The following OSBPL3 variants were observed in gnomAD, a reference collection of about 807,000 sequenced individuals.
OSBPL3 encodes the protein oxysterol-binding protein-related protein 3.
Under a neutral mutation model 120.1 loss-of-function variants are expected in OSBPL3, and 65 were observed. The observed-to-expected ratio is 0.54, with a 90% confidence interval of 0.44 to 0.67. The LOEUF is 0.67. OSBPL3 is among the 30% of genes least tolerant of loss of function. The pLI is 0.00. For synonymous variants in OSBPL3, 416 were observed against 402.6 expected (o/e 1.03, Z -0.40); for missense variants, 1,004 against 1,082.1 (o/e 0.93, Z 1.01).
At chr7:24,945,213 C>T (rs981320400) in intron 1 of OSBPL3, among the ~76,000 whole-genome samples, 4 of 152,234 alleles carry the variant, frequency 2.6e-5, no homozygotes, top group Admixed American at 2.0e-4. Context: ...TTCAATCAAC[C>T]CTTCTTTTTT....
rs187918256 is a variant in OSBPL3 at position 24,948,942 on chromosome 7, T to C, written c.-150+30944A>G. ...TTAAACAATTTCCAGGAGGAGGTTT[T>C]AGATCTGGCTTTTATGATGTTAATG... On this transcript the variant is annotated intron_variant, in intron 1 of 22. Transcript: ENST00000313367. 8.7e-3 allele frequency among the ~76,000 whole-genome samples: 1,328 copies of C among 152,338 alleles called. 27 individuals are homozygous for C. The highest frequency in any genetic ancestry group is 0.03 in the African/African-American group (1,237 of 41,580).
At position 24,899,010 on chromosome 7, in the gene OSBPL3, A is replaced by T. The variant is rs1183267629; in HGVS notation, c.-149-6389T>A. On this transcript the variant is annotated intron_variant, in intron 1 of 22. Transcript: ENST00000313367. This position sits in a 1 kb window ranked among gnomAD's most constrained non-coding sequence, Gnocchi z 4.0. ...TTGGTAACTACATAGAACAAGACAG[A>T]ACTTTTTTTTAACCATAACCTGCAC... Among the ~76,000 whole-genome samples, 1 of 152,184 alleles carries T rather than the reference A, an allele frequency of 6.6e-6. No homozygotes were observed. Among genetic ancestry groups the T allele is most frequent in the Non-Finnish European group, 1.5e-5 (1 of 68,026 alleles).
chr7:24,946,540 T>C lies in OSBPL3; in HGVS notation c.-150+33346A>G, dbSNP rs1162857050. On this transcript the variant is annotated intron_variant, in intron 1 of 22. Coordinates refer to ENST00000313367, the MANE Select transcript of OSBPL3 (RefSeq NM_015550.4). The surrounding 1 kb of genome is among the most constrained non-coding windows in gnomAD (Gnocchi z 4.3). ...ACATTAAGAGGGAAGTAACAGACAT[T>C]ATCTGTTATTTTGCTCAGTACAAGT... Among the ~76,000 whole-genome samples, 5 of 152,194 alleles carry C rather than the reference T, an allele frequency of 3.3e-5. No individual in the cohort carries two copies. The highest frequency in any genetic ancestry group is 5.9e-5 in the Non-Finnish European group (4 of 68,024).
chr7:24,931,802 A>G (rs1294881566), intron 1 of OSBPL3, among the ~76,000 whole-genome samples: 1 of 152,248 alleles, frequency 6.6e-6, no homozygotes, highest in African/African-American at 2.4e-5. Context: ...GAAGTATGAA[A>G]CAGCATGTGA....
At position 24,806,949 on chromosome 7, in the gene OSBPL3, G is replaced by C; in HGVS notation, c.2318-47C>G. The C allele has an allele frequency of 2.6e-6, 4 of 1,520,340 alleles. No homozygotes were observed. Among genetic ancestry groups the C allele is most frequent in the Non-Finnish European group, 3.6e-6 (4 of 1,125,388 alleles). The allele number at this position is 1,520,340 out of a possible 1,614,324, so 94.2% of individuals were successfully genotyped here. On this transcript the variant is annotated intron_variant, in intron 20 of 22. Transcript: ENST00000313367. The surrounding 1 kb of genome is among the most constrained non-coding windows in gnomAD (Gnocchi z 5.2). ...CACCCCTAACTTGCATGTTACTTAT[G>C]TTACATTTTAATTCCTTCACCTTTT...
At chr7:24,848,099 C>G (rs1489333964) in intron 12 of OSBPL3, among the ~76,000 whole-genome samples, 1 of 152,156 alleles carries the variant, frequency 6.6e-6, no homozygotes, top group Non-Finnish European at 1.5e-5. Context: ...GGTTCGGTGC[C>G]CGGAGCCCTA....
chr7:24,816,660 G>T lies in OSBPL3; in HGVS notation c.1977C>A (p.Gly659=). The change falls in exon 18 of 23, where the codon GGC becomes GGA. Residue 659 remains glycine (G), a synonymous_variant. Transcript: ENST00000313367. ...QDVRWKNKFW[G]KSMEIVPIGT... ...CAATTGGAACAATTTCCATGGATTT[G>T]CCCCAGAATTTGTTTTTCCATCTCA... is the stretch of plus-strand genomic sequence containing the variant. 1.9e-6 allele frequency: 3 copies of T among 1,612,442 alleles called. No individual in the cohort carries two copies. The highest frequency in any genetic ancestry group is 1.1e-5 in the South Asian group (1 of 91,042).
chr7:24,823,755 TGG>T (rs1221492880), intron 16 of OSBPL3, among the ~76,000 whole-genome samples: 9 of 152,214 alleles, frequency 5.9e-5, no homozygotes, highest in Non-Finnish European at 8.8e-5. Flanking sequence ...GCATCAAAGG[TGG>T]TGGCGGATGC....
In OSBPL3 at chr7:24,892,584, A is replaced by T; in HGVS notation, c.-112T>A. Reference sequence around the variant, plus strand: ...GGTTTAGCTCTTATCCAAAGTATTTAAAAAACATTTTGGGTGGCCCAAAGG... The same window carrying T: ...GGTTTAGCTCTTATCCAAAGTATTTTAAAAACATTTTGGGTGGCCCAAAGG... On this transcript the variant is annotated 5_prime_UTR_variant, in exon 2 of 23. Coordinates refer to ENST00000313367, the MANE Select transcript of OSBPL3 (RefSeq NM_015550.4). 6.9e-7 allele frequency: 1 copy of T among 1,441,246 alleles called. No individual in the cohort carries two copies. Among genetic ancestry groups the T allele is most frequent in the Non-Finnish European group, 9.2e-7 (1 of 1,086,620 alleles). 89.3% of individuals were successfully genotyped at this position (1,441,246 alleles called of 1,614,324 possible).
intron 5 of OSBPL3, among the ~76,000 whole-genome samples, chr7:24,870,527 G>A (rs142310573): frequency 1.3e-5 from 2 of 152,252 alleles, no homozygotes; most frequent in African/African-American, 2.4e-5. Context: ...GGGATGAGGC[G>A]ACCAGCAGGC....
intron 1 of OSBPL3, among the ~76,000 whole-genome samples, chr7:24,970,260 T>A (rs1246551141): frequency 6.6e-6 from 1 of 151,940 alleles, no homozygotes; most frequent in Non-Finnish European, 1.5e-5. Flanking sequence ...GTGCCCACCA[T>A]CATGCCCAGC....
intron 1 of OSBPL3, among the ~76,000 whole-genome samples, chr7:24,904,614 T>C (rs1257326143): frequency 6.6e-6 from 1 of 152,090 alleles, no homozygotes; most frequent in East Asian, 1.9e-4. Flanking sequence ...TTTGTGGCGA[T>C]CACCGAACCA....
chr7:24,829,410 T>C (rs965981567), intron 16 of OSBPL3, among the ~76,000 whole-genome samples: 7 of 152,248 alleles, frequency 4.6e-5, no homozygotes, highest in Non-Finnish European at 8.8e-5. Flanking sequence ...GGTTACTGTA[T>C]ATTCACTTTC....
At chr7:24,973,884 A>G (rs1817294077) in intron 1 of OSBPL3, among the ~76,000 whole-genome samples, 1 of 152,242 alleles carries the variant, frequency 6.6e-6, no homozygotes, top group South Asian at 2.1e-4. Context: ...AAACATGTAC[A>G]AAAGTATAGC....
chr7:24,914,022 G>T (rs1809209855), intron 1 of OSBPL3, among the ~76,000 whole-genome samples: 1 of 152,116 alleles, frequency 6.6e-6, no homozygotes, highest in South Asian at 2.1e-4. Context: ...CCAGAGGGTT[G>T]TTCTTTTAAT....
chr7:24,905,939 G>A (rs1324845924), intron 1 of OSBPL3, among the ~76,000 whole-genome samples: 1 of 146,982 alleles, frequency 6.8e-6, no homozygotes, highest in Non-Finnish European at 1.5e-5. Context: ...GGCTGAGGCA[G>A]GAGAATTGCT....
At chr7:24,963,437 C>T (rs1378067484) in intron 1 of OSBPL3, among the ~76,000 whole-genome samples, 2 of 152,220 alleles carry the variant, frequency 1.3e-5, no homozygotes, top group Non-Finnish European at 2.9e-5. Flanking sequence ...CCATTCCAAC[C>T]AGGCAACACA....
Position 24,804,423 on chromosome 7 carries a change from C to G in OSBPL3, c.2459G>C (p.Gly820Ala). 1.2e-6 allele frequency: 2 copies of G among 1,613,788 alleles called. No individual in the cohort carries two copies. The highest frequency in any genetic ancestry group is 1.7e-6 in the Non-Finnish European group (2 of 1,179,866). ...TTGTATTTCAGCTTCTTCTAAGTTC[C>G]CTTCCTCTAGAAACCTGAGGCATCG... ...FRPDQRFLEE[G>A]NLEEAEIQKQ... is the part of the protein sequence containing the mutation. Residue 820 changes from glycine to alanine, a missense_variant, in exon 22 of 23, where the codon GGG (glycine) becomes GCG (alanine). By Grantham distance (60) the Gly-to-Ala change is moderately conservative. Coordinates refer to ENST00000313367, the MANE Select transcript of OSBPL3 (RefSeq NM_015550.4). This position sits in a 1 kb window ranked among gnomAD's most constrained non-coding sequence, Gnocchi z 5.4.
At chr7:24,906,279 C>T in intron 1 of OSBPL3, 1 of 261,274 alleles carries the variant, frequency 3.8e-6, no homozygotes, top group Admixed American at 4.7e-5. Context: ...AGGAGGAGAA[C>T]CCATCACTGA....
Sources: allele counts gnomAD v4.1 joint callset (sites outside exome capture counted in the v4.1 genomes callset), GRCh38; gene constraint gnomAD v4.1.1; non-coding constraint Gnocchi (gnomAD v3.1); transcripts MANE v1.5; gene names NCBI Gene and HGNC (gene_info 2026-07-23, HGNC 2026-07-21).